Variants in TTPA observed in about 807,000 individuals in gnomAD.
TTPA encodes the protein alpha-tocopherol transfer protein.
In TTPA, 23 loss-of-function variants were observed where a neutral mutation model predicts 25.9. The ratio of observed to expected loss-of-function variants is 0.89; its 90% CI spans 0.64 to 1.26. The LOEUF (loss-of-function observed/expected upper bound fraction) is 1.26. TTPA is among the 50% of genes most tolerant of loss of function. TTPA has a pLI of 0.00. For missense variants in TTPA, 337 were observed against 353.1 expected (o/e 0.95, Z 0.37); for synonymous variants, 148 against 137.3 (o/e 1.08, Z -0.54).
At chr8:63,075,655 C>T (rs977580871) in intron 1 of TTPA, among the ~76,000 whole-genome samples, 1 of 145,760 alleles carries the variant, frequency 6.9e-6, no homozygotes, top group Non-Finnish European at 1.5e-5. Flanking sequence ...GCCGAGATTG[C>T]GCCACTGCAC....
chr8:63,070,931 T>C (rs1805472879), intron 2 of TTPA, among the ~76,000 whole-genome samples: 1 of 151,894 alleles, frequency 6.6e-6, no homozygotes, highest in Admixed American at 6.5e-5. Context: ...AACCAGTATA[T>C]AATTTTTAAC....
At chr8:63,084,627 C>A (rs1273719512) in intron 1 of TTPA, among the ~76,000 whole-genome samples, 1 of 152,206 alleles carries the variant, frequency 6.6e-6, no homozygotes, top group Non-Finnish European at 1.5e-5. Flanking sequence ...CATGCTTGTG[C>A]AACCTCTGGC....
At chr8:63,082,487 T>C (rs1805679391) in intron 1 of TTPA, among the ~76,000 whole-genome samples, 1 of 152,132 alleles carries the variant, frequency 6.6e-6, no homozygotes, top group African/African-American at 2.4e-5. Context: ...ATACAAAAAT[T>C]AATTCAAGAT....
At chr8:63,071,790 A>G (rs1259587926) in intron 2 of TTPA, among the ~76,000 whole-genome samples, 1 of 152,174 alleles carries the variant, frequency 6.6e-6, no homozygotes, top group Non-Finnish European at 1.5e-5. Flanking sequence ...CCTAGGAACC[A>G]GGTAGCAGGC....
At chr8:63,083,235 C>T (rs1037676247) in intron 1 of TTPA, among the ~76,000 whole-genome samples, 4 of 152,184 alleles carry the variant, frequency 2.6e-5, no homozygotes, top group Non-Finnish European at 4.4e-5. Context: ...TTGGAACCAA[C>T]CCAAATGTCC....
At chr8:63,063,072 T>A (rs992520430) in intron 4 of TTPA, among the ~76,000 whole-genome samples, 1 of 152,222 alleles carries the variant, frequency 6.6e-6, no homozygotes, top group African/African-American at 2.4e-5. Flanking sequence ...TGTTATATTT[T>A]CTTAATATGA....
At chr8:63,062,644 G>GT (rs546475401) in intron 4 of TTPA, among the ~76,000 whole-genome samples, 16 of 152,124 alleles carry the variant, frequency 1.1e-4, no homozygotes, top group Admixed American at 4.6e-4. Flanking sequence ...CTGGATCAGA[G>GT]TTTTTTTCTC....
intron 1 of TTPA, among the ~76,000 whole-genome samples, chr8:63,084,267 T>C (rs1394060177): frequency 6.6e-6 from 1 of 152,146 alleles, no homozygotes; most frequent in Non-Finnish European, 1.5e-5. Flanking sequence ...ATCCAGCAAT[T>C]TCACCGGTTG....
intron 1 of TTPA, among the ~76,000 whole-genome samples, chr8:63,085,467 C>G (rs1329131223): frequency 1.3e-5 from 2 of 152,182 alleles, no homozygotes; most frequent in Non-Finnish European, 2.9e-5. Flanking sequence ...TTTGTTTGTA[C>G]CACAGGCTTT....
At chr8:63,079,120 T>C (rs1257619366) in intron 1 of TTPA, among the ~76,000 whole-genome samples, 3 of 152,110 alleles carry the variant, frequency 2.0e-5, no homozygotes, top group Non-Finnish European at 2.9e-5. Context: ...ATAAAATTCT[T>C]TACAGACAAG....
chr8:63,064,286 G>A lies in TTPA; in HGVS notation c.583C>T (p.His195Tyr), dbSNP rs909436846. ...AAAATTACTGGTTCATTTATCAAAT[G>A]GATGCCACGAACTTTCAATGGAAAT... ...DSFPLKVRGI[H>Y]LINEPVIFHA... is the part of the protein sequence containing the mutation. Residue 195 changes from histidine (H) to tyrosine (Y), a missense_variant, in exon 4 of 5, where the codon CAT becomes TAT. His to Tyr is a moderately conservative substitution (Grantham distance 83, BLOSUM62 2). Coordinates refer to ENST00000260116, the MANE Select transcript of TTPA (RefSeq NM_000370.3). The A allele has an allele frequency of 2.5e-6, 4 of 1,612,538 alleles. No individual in the cohort carries two copies. The African/African-American group carries it at 5.3e-5, about 22-fold the overall frequency.
At chr8:63,063,554 C>T (rs1805342735) in intron 4 of TTPA, among the ~76,000 whole-genome samples, 1 of 152,118 alleles carries the variant, frequency 6.6e-6, no homozygotes, top group African/African-American at 2.4e-5. Flanking sequence ...ATAAAAGATA[C>T]ACAGTGAGAG....
intron 1 of TTPA, among the ~76,000 whole-genome samples, chr8:63,076,978 T>G (rs532410872): frequency 6.6e-6 from 1 of 151,866 alleles, no homozygotes; most frequent in African/African-American, 2.4e-5. Context: ...AGAAAAAATT[T>G]TGGACAAGAG....
intron 1 of TTPA, among the ~76,000 whole-genome samples, chr8:63,078,269 C>T (rs11775699): frequency 0.51 from 76,995 of 151,956 alleles, 19,914 homozygotes; most frequent in East Asian, 0.77. Context: ...AAAACCAGAG[C>T]GCCTCTTCTC....
At chr8:63,080,719 C>CAAAAA (rs764937720) in intron 1 of TTPA, among the ~76,000 whole-genome samples, 2 of 69,902 alleles carry the variant, frequency 2.9e-5, no homozygotes, top group African/African-American at 4.5e-5. Flanking sequence ...GACTCCGTAT[C>CAAAAA]AAAAAAAAAA....
At position 63,064,260 on chromosome 8, in the gene TTPA, G is replaced by T; in HGVS notation, c.609C>A (p.Phe203Leu). The change falls in exon 4 of 5, where the codon TTC (phenylalanine) becomes TTA (leucine). Residue 203 changes from phenylalanine (F) to leucine (L), a missense_variant. By Grantham distance (22) the Phe-to-Leu change is conservative. Coordinates refer to ENST00000260116, the MANE Select transcript of TTPA (RefSeq NM_000370.3). Reference protein sequence around the residue: ...GIHLINEPVIFHAVFSMIKPF... With the variant: ...GIHLINEPVILHAVFSMIKPF... ...GTTTGATCATGGAAAAGACAGCATG[G>T]AAAATTACTGGTTCATTTATCAAAT... 1 of 1,613,114 alleles carries T rather than the reference G, an allele frequency of 6.2e-7. No individual in the cohort carries two copies. Among genetic ancestry groups the T allele is most frequent in the Non-Finnish European group, 8.5e-7 (1 of 1,179,494 alleles).
intron 1 of TTPA, among the ~76,000 whole-genome samples, chr8:63,082,637 G>A (rs1563366064): frequency 1.3e-5 from 2 of 152,102 alleles, no homozygotes. Flanking sequence ...CCAAAACTGA[G>A]AAACGGGATC....
Position 63,079,517 on chromosome 8 carries a change from G to A in TTPA, c.204+6301C>T, listed in dbSNP as rs573045961. Among the ~76,000 whole-genome samples the A allele has an allele frequency of 3.3e-5, 5 of 152,154 alleles. No individual in the cohort carries two copies. In the East Asian group the frequency reaches 7.7e-4, roughly 23 times the overall value. On this transcript the variant is annotated intron_variant, in intron 1 of 4. Transcript: ENST00000260116. Reference sequence around the variant, plus strand: ...AATGGAAAGCAAAAAAAAAGCAGGGGTTGCAATCCTAGTCTCTGATAAAAC... The same window carrying A: ...AATGGAAAGCAAAAAAAAAGCAGGGATTGCAATCCTAGTCTCTGATAAAAC...
At chr8:63,074,334 C>A (rs1169461314) in intron 1 of TTPA, among the ~76,000 whole-genome samples, 2 of 152,138 alleles carry the variant, frequency 1.3e-5, no homozygotes, top group Non-Finnish European at 2.9e-5. Flanking sequence ...GAGGACAGTG[C>A]CATCTGCATT....
Sources: allele counts gnomAD v4.1 joint callset (sites outside exome capture counted in the v4.1 genomes callset), GRCh38; gene constraint gnomAD v4.1.1; transcripts MANE v1.5; gene names NCBI Gene and HGNC (gene_info 2026-07-23, HGNC 2026-07-21).